Variants in TULP4 observed in about 807,000 individuals in gnomAD.
The protein encoded by TULP4 is TUB like protein 4.
A neutral mutation model predicts 129.0 loss-of-function variants in TULP4; 16 were observed. The ratio of observed to expected loss-of-function variants is 0.12; its 90% CI spans 0.08 to 0.19. The LOEUF (loss-of-function observed/expected upper bound fraction) is 0.19. Among genes scored for constraint, TULP4 ranks in the 10% least tolerant of loss-of-function variants. The pLI is 1.00. For synonymous variants in TULP4, 998 were observed against 854.0 expected (o/e 1.17, Z -2.94); for missense variants, 1,842 against 2,059.1 (o/e 0.89, Z 2.04).
In TULP4 at chr6:158,244,772, A is replaced by G. The variant is rs531560471; in HGVS notation, n.68+12469A>G. On this transcript the variant is annotated intron_variant and non_coding_transcript_variant, in intron 1 of 1. Transcript: ENST00000620026. ...TTTGGGAGGCTGAGGTGAGACGATC[A>G]CTTGAGCACAGGAGTTTGAGACCAG... Among the ~76,000 whole-genome samples the G allele has an allele frequency of 3.3e-5, 5 of 152,256 alleles. No homozygotes were observed. In the East Asian group the frequency reaches 9.6e-4, roughly 29 times the overall value.
At chr6:158,497,768 A>C (rs1313416578) in intron 11 of TULP4, among the ~76,000 whole-genome samples, 1 of 152,228 alleles carries the variant, frequency 6.6e-6, no homozygotes, top group African/African-American at 2.4e-5. Flanking sequence ...ATACCAGTCC[A>C]TGGGCCAGCC....
chr6:158,436,910 T>C (rs1223337955), intron 3 of TULP4, among the ~76,000 whole-genome samples: 3 of 152,210 alleles, frequency 2.0e-5, no homozygotes, highest in Non-Finnish European at 4.4e-5. Flanking sequence ...TTTATCCTGT[T>C]TGCTTTGGGA....
At chr6:158,416,160 T>A (rs976524767) in intron 2 of TULP4, among the ~76,000 whole-genome samples, 1 of 152,254 alleles carries the variant, frequency 6.6e-6, no homozygotes, top group Non-Finnish European at 1.5e-5. Context: ...TGCTTTATTC[T>A]AGCTGCGCTG....
chr6:158,425,305 G>A (rs1778455640), intron 2 of TULP4, among the ~76,000 whole-genome samples: 1 of 151,738 alleles, frequency 6.6e-6, no homozygotes, highest in Admixed American at 6.6e-5. Flanking sequence ...CCTGAGGTCG[G>A]GAGTTCGAGA....
chr6:158,366,541 C>T (rs1045214408), intron 1 of TULP4, among the ~76,000 whole-genome samples: 8 of 152,182 alleles, frequency 5.3e-5, no homozygotes, highest in East Asian at 1.9e-4. Flanking sequence ...TTTCGTGCTG[C>T]GTCATACTCG....
intron 1 of TULP4, among the ~76,000 whole-genome samples, chr6:158,262,062 T>G (rs1442080262): frequency 6.6e-6 from 1 of 152,134 alleles, no homozygotes; most frequent in African/African-American, 2.4e-5. Flanking sequence ...AAAACCGGGA[T>G]TCTGTTGGTG....
Position 158,391,074 on chromosome 6 carries a change from C to G in TULP4, c.253-21991C>G, listed in dbSNP as rs113329976. Among the ~76,000 whole-genome samples the G allele has an allele frequency of 2.7e-3, 404 of 151,302 alleles. 2 individuals are homozygous for G. Among genetic ancestry groups the G allele is most frequent in the African/African-American group, 9.0e-3 (369 of 41,174 alleles). On this transcript the variant is annotated intron_variant, in intron 1 of 13. Coordinates refer to ENST00000367097, the MANE Select transcript of TULP4 (RefSeq NM_020245.5). ...TGGGCAACAGAGTGAGACTCCAACT[C>G]TAAAAAATAATAATAATAAGATGAA...
intron 3 of TULP4, among the ~76,000 whole-genome samples, chr6:158,443,209 C>T (rs1288171410): frequency 6.6e-6 from 1 of 152,106 alleles, no homozygotes; most frequent in East Asian, 1.9e-4. Flanking sequence ...GTCTCGATCT[C>T]CTGACCTTGT....
At chr6:158,297,811 A>T (rs1779059539) in intron 1 of TULP4, among the ~76,000 whole-genome samples, 1 of 152,104 alleles carries the variant, frequency 6.6e-6, no homozygotes, top group South Asian at 2.1e-4. Context: ...TAAACATCTT[A>T]AACAACAGAA....
intron 1 of TULP4, among the ~76,000 whole-genome samples, chr6:158,367,909 C>G (rs1776961679): frequency 7.8e-6 from 1 of 127,738 alleles, no homozygotes; most frequent in African/African-American, 3.1e-5. Context: ...GAAACCCTGT[C>G]TCTACAAATA....
At chr6:158,274,633 C>T (rs952504047) in intron 1 of TULP4, among the ~76,000 whole-genome samples, 7 of 151,962 alleles carry the variant, frequency 4.6e-5, no homozygotes, top group Non-Finnish European at 7.4e-5. Context: ...AAAAATCAGC[C>T]GGGTGTGGTG....
intron 11 of TULP4, among the ~76,000 whole-genome samples, chr6:158,495,461 C>T (rs537186284): frequency 3.3e-5 from 5 of 152,318 alleles, no homozygotes; most frequent in African/African-American, 1.2e-4. Context: ...ATAGATTTCT[C>T]AAAACTTTGA....
chr6:158,485,268 T>C (rs1583928365), intron 8 of TULP4, among the ~76,000 whole-genome samples: 1 of 152,120 alleles, frequency 6.6e-6, no homozygotes, highest in Non-Finnish European at 1.5e-5. Context: ...AGGAGAAAGA[T>C]GAATGGAAGA....
rs374194241 is a variant in TULP4, at chr6:158,413,112, C to T, written c.300C>T (p.Cys100=). Reference sequence around the variant, plus strand: ...AGCCCTACCAGAAACTGGCCACGTGCGATGCGGACGGAGGCATATTCGTGT... The same window carrying T: ...AGCCCTACCAGAAACTGGCCACGTGTGATGCGGACGGAGGCATATTCGTGT... ...WNEPYQKLAT[C]DADGGIFVWI... Residue 100 remains cysteine (C), a synonymous_variant, in exon 2 of 14, where the codon TGC becomes TGT. Coordinates refer to ENST00000367097, the MANE Select transcript of TULP4 (RefSeq NM_020245.5). This position sits in a 1 kb window ranked among gnomAD's most constrained non-coding sequence, Gnocchi z 4.9. 1.0e-4 allele frequency: 168 copies of T among 1,613,590 alleles called. No homozygotes were observed. Among genetic ancestry groups the T allele is most frequent in the Non-Finnish European group, 1.2e-4 (147 of 1,179,760 alleles).
Position 158,506,822 on chromosome 6 carries a change from C to G in TULP4, c.*128C>G. On this transcript the variant is annotated 3_prime_UTR_variant, in exon 14 of 14. Transcript: ENST00000367097. Reference sequence around the variant, plus strand: ...AGCCAACAGCAAAACTGGAAAAGCCCGGCAGGCCCAGGAGAGGGCGCTGAC... The same window carrying G: ...AGCCAACAGCAAAACTGGAAAAGCCGGGCAGGCCCAGGAGAGGGCGCTGAC... 1.5e-6 allele frequency: 1 copy of G among 670,538 alleles called. No homozygotes were observed. Among genetic ancestry groups the G allele is most frequent in the Admixed American group, 2.5e-5 (1 of 39,352 alleles). The allele number at this position is 670,538 out of a possible 1,614,324, so 41.5% of individuals were successfully genotyped here. A position where few individuals can be genotyped will look rare whatever the true frequency, so the allele number is the denominator to read the frequency against.
chr6:158,357,045 A>G (rs1780665751), intron 1 of TULP4, among the ~76,000 whole-genome samples: 2 of 152,186 alleles, frequency 1.3e-5, no homozygotes, highest in African/African-American at 4.8e-5. Flanking sequence ...TCTGCTGACT[A>G]GGAGGCTTCA....
intron 2 of TULP4, among the ~76,000 whole-genome samples, chr6:158,425,596 G>T (rs1343892245): frequency 2.0e-5 from 3 of 149,696 alleles, no homozygotes; most frequent in African/African-American, 7.4e-5. Context: ...TCTGTTTTAG[G>T]TTTTTTTTTG....
At chr6:158,489,479 A>G (rs1213152836) in intron 8 of TULP4, 109 bp from the exon 9 acceptor site, 4 of 1,378,102 alleles carry the variant, frequency 2.9e-6, no homozygotes, top group African/African-American at 1.4e-5. Flanking sequence ...CTCTAGGTCT[A>G]AAATGATGGC....
intron 1 of TULP4, among the ~76,000 whole-genome samples, chr6:158,403,303 C>T (rs1288864524): frequency 6.6e-6 from 1 of 152,126 alleles, no homozygotes; most frequent in Non-Finnish European, 1.5e-5. Context: ...GGATAAGTTC[C>T]TTGTGGTGGC....
Sources: allele counts gnomAD v4.1 joint callset (sites outside exome capture counted in the v4.1 genomes callset), GRCh38; gene constraint gnomAD v4.1.1; non-coding constraint Gnocchi (gnomAD v3.1); transcripts MANE v1.5; gene names NCBI Gene and HGNC (gene_info 2026-07-23, HGNC 2026-07-21).